The following FAAH2 variants were observed in gnomAD, a reference collection of about 807,000 sequenced individuals.
FAAH2 encodes the protein fatty-acid amide hydrolase 2.
FAAH2 carries 60 observed loss-of-function variants against 36.9 expected under a neutral mutation model. The ratio of observed to expected loss-of-function variants is 1.63; its 90% CI spans 1.32 to 2.02. FAAH2 has a LOEUF of 2.02. Ranked by LOEUF, FAAH2 falls within the 30% of genes most tolerant of loss-of-function variation. The probability of loss-of-function intolerance (pLI) is 0.00; values close to 1 mark genes in which losing one functional copy is unlikely to be tolerated. For synonymous variants in FAAH2, 214 were observed against 143.8 expected (o/e 1.49, Z -3.49); for missense variants, 689 against 397.5 (o/e 1.73, Z -6.23).
intron 7 of FAAH2, among the ~76,000 whole-genome samples, chrX:57,402,076 C>G (rs902224869): frequency 2.7e-5 from 3 of 111,263 alleles, no homozygotes; most frequent in African/African-American, 9.8e-5. Context: ...AGACAGTTAA[C>G]CTCCTGGCCC....
chrX:57,201,405 C>T, the FAAH2 span, among the ~76,000 whole-genome samples: 6 of 107,640 alleles, frequency 5.6e-5, no homozygotes, highest in African/African-American at 2.1e-4. Flanking sequence ...GCAACAGAGC[C>T]TTTAGCTCTG....
chrX:57,126,782 G>C, the FAAH2 span: 1 of 111,068 alleles, frequency 9.0e-6, no homozygotes, highest in Non-Finnish European at 1.9e-5. Context: ...ATCTAATCCT[G>C]GTCAATTAAG....
chrX:57,474,740 G>C (rs2057234086), intron 10 of FAAH2, among the ~76,000 whole-genome samples: 1 of 111,646 alleles, frequency 9.0e-6, no homozygotes, highest in Admixed American at 9.5e-5. Flanking sequence ...GGGATTTCTG[G>C]GTCAAATGGT....
the FAAH2 span, among the ~76,000 whole-genome samples, chrX:57,277,006 G>T: frequency 2.4e-4 from 27 of 111,760 alleles, no homozygotes; most frequent in Non-Finnish European, 1.1e-4. Context: ...ACAAAGAGGA[G>T]CTGGTACCAT....
At chrX:57,387,192 G>A (rs963233936) in intron 7 of FAAH2, among the ~76,000 whole-genome samples, 1 of 111,143 alleles carries the variant, frequency 9.0e-6, no homozygotes, top group African/African-American at 3.3e-5. Context: ...ATGAAATCCA[G>A]GGCAATCTCT....
chrX:57,331,710 CTG>C lies in FAAH2; in HGVS notation c.527_528del (p.Cys176Ter). ...GTGCCATTCCTCTTGGCATAACCAACTGTAGTGAGTTGTGTATGTGGTATGAA... is the reference window on the plus strand; with the variant it reads ...GTGCCATTCCTCTTGGCATAACCAACTAGTGAGTTGTGTATGTGGTATGAA... ...AGAIPLGITN[C>X]SELCMWYESS... On this transcript the variant is annotated frameshift_variant, in exon 4 of 11. Transcript: ENST00000374900. LOFTEE classifies it high-confidence loss of function. The C allele has an allele frequency of 1.7e-6, 2 of 1,211,269 alleles. No individual in the cohort carries two copies. Among genetic ancestry groups the C allele is most frequent in the Non-Finnish European group, 2.2e-6 (2 of 895,292 alleles).
intron 2 of FAAH2, among the ~76,000 whole-genome samples, chrX:57,304,005 G>A (rs1330188414): frequency 1.8e-5 from 2 of 110,854 alleles, no homozygotes; most frequent in Non-Finnish European, 3.8e-5. Context: ...TCAGGAGTTC[G>A]AGACCAGCCT....
chrX:57,165,855 T>G, the FAAH2 span, among the ~76,000 whole-genome samples: 1 of 110,674 alleles, frequency 9.0e-6, no homozygotes, highest in African/African-American at 3.3e-5. Flanking sequence ...CCTGCAGACC[T>G]AAGTGAGGAC....
chrX:57,252,873 A>C, the FAAH2 span, among the ~76,000 whole-genome samples: 5 of 112,163 alleles, frequency 4.5e-5, no homozygotes, highest in African/African-American at 1.6e-4. Flanking sequence ...AAGGAACACA[A>C]CTCCTTGCCA....
At chrX:57,361,667 A>AT (rs969826928) in intron 5 of FAAH2, among the ~76,000 whole-genome samples, 1 of 111,099 alleles carries the variant, frequency 9.0e-6, no homozygotes, top group Non-Finnish European at 1.9e-5. Flanking sequence ...TTATATATAT[A>AT]TTTTTTTAAA....
chrX:57,284,098 T>C (rs1481131434), upstream of FAAH2, among the ~76,000 whole-genome samples: 3 of 112,177 alleles, frequency 2.7e-5, no homozygotes, highest in Non-Finnish European at 5.6e-5. Context: ...CTGCTCCCTC[T>C]GGGAGCTCTG....
chrX:57,457,118 A>G (rs1228894359), intron 10 of FAAH2, among the ~76,000 whole-genome samples: 1 of 112,121 alleles, frequency 8.9e-6, no homozygotes, highest in Non-Finnish European at 1.9e-5. Context: ...TGCAAGTTTT[A>G]TTTCTGGGAT....
intron 7 of FAAH2, among the ~76,000 whole-genome samples, chrX:57,429,480 A>G (rs927196086): frequency 3.6e-5 from 4 of 112,324 alleles, no homozygotes; most frequent in Non-Finnish European, 7.5e-5. Flanking sequence ...TAAAATTTCG[A>G]TTAGCTATTG....
intron 7 of FAAH2, among the ~76,000 whole-genome samples, chrX:57,409,007 C>A (rs899274659): frequency 9.0e-6 from 1 of 111,186 alleles, no homozygotes; most frequent in Non-Finnish European, 1.9e-5. Context: ...CTACTACAAA[C>A]TTTGGTTATA....
At chrX:57,355,405 C>T (rs1395457205) in intron 5 of FAAH2, among the ~76,000 whole-genome samples, 2 of 110,992 alleles carry the variant, frequency 1.8e-5, no homozygotes, top group African/African-American at 6.5e-5. Flanking sequence ...GAATAAAACA[C>T]ATTTCTAAGG....
At chrX:57,190,728 A>G in the FAAH2 span, among the ~76,000 whole-genome samples, 5 of 109,546 alleles carry the variant, frequency 4.6e-5, no homozygotes, top group African/African-American at 1.3e-4. Flanking sequence ...GGATGCATCC[A>G]TTGCCTAACC....
intron 7 of FAAH2, among the ~76,000 whole-genome samples, chrX:57,384,326 G>T (rs1428786354): frequency 4.9e-5 from 5 of 101,942 alleles, no homozygotes; most frequent in Admixed American, 1.1e-4. Flanking sequence ...TGACAAATGG[G>T]ATCTAATTAA....
At chrX:57,137,873 A>G in the FAAH2 span, among the ~76,000 whole-genome samples, 2 of 111,737 alleles carry the variant, frequency 1.8e-5, no homozygotes, top group African/African-American at 6.5e-5. Flanking sequence ...ATGTATGTAT[A>G]TATATATATA....
At chrX:57,411,043 G>A (rs894916882) in intron 7 of FAAH2, among the ~76,000 whole-genome samples, 1 of 111,628 alleles carries the variant, frequency 9.0e-6, no homozygotes, top group Admixed American at 9.6e-5. Flanking sequence ...AGTTGAAAAA[G>A]CAGTTATCTT....
Sources: allele counts gnomAD v4.1 joint callset (sites outside exome capture counted in the v4.1 genomes callset), GRCh38; gene constraint gnomAD v4.1.1; transcripts MANE v1.5; gene names NCBI Gene and HGNC (gene_info 2026-07-23, HGNC 2026-07-21).